Variants in RFX7 observed in about 807,000 individuals in gnomAD.
RFX7 encodes regulatory factor X7.
A neutral mutation model predicts 111.8 loss-of-function variants in RFX7; 26 were observed. The observed-to-expected ratio is 0.23, with a 90% CI of 0.17 to 0.32. The LOEUF is 0.32. Among genes scored for constraint, RFX7 ranks in the 10% least tolerant of loss-of-function variants. The probability of loss-of-function intolerance (pLI) is 1.00; values close to 1 mark genes in which losing one functional copy is unlikely to be tolerated. For synonymous variants in RFX7, 624 were observed against 624.4 expected, an observed-to-expected ratio of 1.00 and a Z score of 0.01; for missense variants, 1,573 against 1,772.9, an observed-to-expected ratio of 0.89 and a Z score of 2.02.
At chr15:56,170,814 A>G (rs1471476362) in intron 3 of RFX7, among the ~76,000 whole-genome samples, 1 of 152,176 alleles carries the variant, frequency 6.6e-6, no homozygotes, top group African/African-American at 2.4e-5. Context: ...TTCCATGGAT[A>G]ATGCTCTTAC....
Position 56,093,456 on chromosome 15 carries a change from C to G in RFX7, c.4272G>C (p.Lys1424Asn). 1 of 1,613,846 alleles carries G rather than the reference C, an allele frequency of 6.2e-7. No individual in the cohort carries two copies. Among genetic ancestry groups the G allele is most frequent in the Non-Finnish European group, 8.5e-7 (1 of 1,179,800 alleles). ...QDDEATLEEL[K>N]NDPLFQQICS... Reference sequence around the variant, plus strand: ...AAATTTGTTGAAATAATGGGTCATTCTTTAATTCTTCCAGTGTAGCTTCAT... The same window carrying G: ...AAATTTGTTGAAATAATGGGTCATTGTTTAATTCTTCCAGTGTAGCTTCAT... The change falls in exon 10 of 10, where the codon AAG becomes AAC. Residue 1424 changes from lysine to asparagine, a missense_variant. Physicochemically the swap from Lys to Asn is moderately conservative, Grantham distance 94. Transcript: ENST00000559447.
intron 5 of RFX7, among the ~76,000 whole-genome samples, chr15:56,123,061 T>A (rs755093582): frequency 1.3e-5 from 2 of 152,150 alleles, no homozygotes; most frequent in Admixed American, 1.3e-4. Flanking sequence ...CCACTGTGGC[T>A]GGGCTGGCAC....
intron 2 of RFX7, among the ~76,000 whole-genome samples, chr15:56,223,713 G>A (rs954671780): frequency 7.2e-5 from 11 of 152,126 alleles, no homozygotes; most frequent in South Asian, 4.2e-4. Flanking sequence ...TGTTTACTTC[G>A]GGTATATTTT....
intron 5 of RFX7, among the ~76,000 whole-genome samples, chr15:56,117,018 C>T (rs1223017211): frequency 2.6e-5 from 4 of 152,086 alleles, no homozygotes; most frequent in Non-Finnish European, 5.9e-5. Context: ...GAGAGAGGTG[C>T]TGGTAAAGAG....
chr15:56,159,142 G>A (rs1432488901), intron 3 of RFX7, among the ~76,000 whole-genome samples: 2 of 152,122 alleles, frequency 1.3e-5, no homozygotes, highest in African/African-American at 4.8e-5. Flanking sequence ...ATGCCTTCTA[G>A]GTTAGTCCAT....
intron 4 of RFX7, 61 bp downstream of exon 4, chr15:56,144,340 C>A: frequency 1.1e-6 from 1 of 884,196 alleles, no homozygotes; most frequent in Non-Finnish European, 1.6e-6. Flanking sequence ...ACAGACCTCA[C>A]ATATATCCTA....
chr15:56,187,787 A>C (rs568805960), intron 2 of RFX7, among the ~76,000 whole-genome samples: 4 of 152,322 alleles, frequency 2.6e-5, no homozygotes, highest in African/African-American at 9.6e-5. Flanking sequence ...TCACAGAAAA[A>C]ATAAAGTTGG....
intron 8 of RFX7, among the ~76,000 whole-genome samples, chr15:56,098,636 G>C (rs1486823135): frequency 6.6e-6 from 1 of 152,216 alleles, no homozygotes; most frequent in Admixed American, 6.5e-5. Context: ...GACAGTTTCA[G>C]TTAACAACAG....
intron 2 of RFX7, among the ~76,000 whole-genome samples, chr15:56,182,630 C>T (rs1595992459): frequency 6.6e-6 from 1 of 152,032 alleles, no homozygotes; most frequent in African/African-American, 2.4e-5. Flanking sequence ...TTTTTTAATT[C>T]AACATTGTTT....
intron 2 of RFX7, among the ~76,000 whole-genome samples, chr15:56,184,020 G>A (rs1379461669): frequency 1.4e-5 from 2 of 145,680 alleles, no homozygotes; most frequent in Non-Finnish European, 3.0e-5. Flanking sequence ...ACAGCATGTA[G>A]TTGTTTTTTT....
chr15:56,183,985 C>T (rs989556815), intron 2 of RFX7, among the ~76,000 whole-genome samples: 6 of 150,954 alleles, frequency 4.0e-5, no homozygotes, highest in African/African-American at 1.5e-4. Flanking sequence ...TCTCCAGCAA[C>T]CTTCATGAAC....
chr15:56,115,460 G>A (rs1466258081), intron 5 of RFX7, among the ~76,000 whole-genome samples: 2 of 152,172 alleles, frequency 1.3e-5, no homozygotes, highest in Non-Finnish European at 2.9e-5. Context: ...GGGGCTGTCT[G>A]CTTAGTGTAT....
At position 56,095,295 on chromosome 15, in the gene RFX7, A is replaced by T; in HGVS notation, c.2433T>A (p.Ser811=). Residue 811 remains serine (S), a synonymous_variant, in exon 10 of 10, where the codon TCT becomes TCA. Coordinates refer to ENST00000559447, the MANE Select transcript of RFX7 (RefSeq NM_022841.7). ...DISVMTIPEH[S]DINDLEKSVW... The stretch of plus-strand genomic sequence containing the variant: ...CAGATTTCTCTAAGTCATTGATATC[A>T]GAGTGCTCAGGAATTGTCATAACAC... The T allele has an allele frequency of 6.2e-7, 1 of 1,613,956 alleles. No individual in the cohort carries two copies. The highest frequency in any genetic ancestry group is 8.5e-7 in the Non-Finnish European group (1 of 1,179,854).
At chr15:56,229,293 T>A (rs2043521699) in intron 2 of RFX7, among the ~76,000 whole-genome samples, 1 of 152,178 alleles carries the variant, frequency 6.6e-6, no homozygotes, top group Admixed American at 6.5e-5. Flanking sequence ...TGAGTTGGAG[T>A]CTCGCTCTGT....
At chr15:56,137,295 C>G (rs200318599) in intron 5 of RFX7, among the ~76,000 whole-genome samples, 19,735 of 152,072 alleles carry the variant, frequency 0.13, 1,651 homozygotes, top group East Asian at 0.43. Context: ...ATTTCAGATC[C>G]TGTTATTGGT....
chr15:56,222,121 T>C (rs185948438), intron 2 of RFX7, among the ~76,000 whole-genome samples: 2 of 152,328 alleles, frequency 1.3e-5, no homozygotes, highest in East Asian at 3.9e-4. Context: ...ATTTCAGAAA[T>C]ATATTTTTGT....
intron 2 of RFX7, among the ~76,000 whole-genome samples, chr15:56,223,566 T>A (rs1202765313): frequency 2.0e-5 from 3 of 152,176 alleles, no homozygotes; most frequent in African/African-American, 7.2e-5. Context: ...CATTACCCCA[T>A]TAAGGCTGGT....
At chr15:56,142,297 T>C (rs1326899241) in intron 5 of RFX7, among the ~76,000 whole-genome samples, 4 of 152,198 alleles carry the variant, frequency 2.6e-5, no homozygotes, top group African/African-American at 9.6e-5. Flanking sequence ...AGGACAACTC[T>C]CTTGTCCTTG....
chr15:56,217,323 G>A (rs565597474), intron 2 of RFX7, among the ~76,000 whole-genome samples: 4 of 151,886 alleles, frequency 2.6e-5, no homozygotes, highest in East Asian at 1.9e-4. Context: ...GTCCACTTTC[G>A]CATTTTCCCT....
Sources: allele counts gnomAD v4.1 joint callset (sites outside exome capture counted in the v4.1 genomes callset), GRCh38; gene constraint gnomAD v4.1.1; transcripts MANE v1.5; gene names NCBI Gene and HGNC (gene_info 2026-07-23, HGNC 2026-07-21).